Variants in MPPED2 observed in about 807,000 individuals in gnomAD.
The protein encoded by MPPED2 is metallophosphoesterase MPPED2.
A neutral mutation model predicts 33.0 loss-of-function variants in MPPED2; 5 were observed. The ratio of observed to expected loss-of-function variants is 0.15; its 90% CI spans 0.08 to 0.32. The LOEUF is 0.32. Among genes scored for constraint, MPPED2 ranks in the 10% least tolerant of loss-of-function variants. The pLI, the probability that MPPED2 is intolerant of heterozygous loss-of-function variation, is 1.00. For synonymous variants in MPPED2, 136 were observed against 141.9 expected, an observed-to-expected ratio of 0.96 and a Z score of 0.29; for missense variants, 275 against 372.1, an observed-to-expected ratio of 0.74 and a Z score of 2.15.
At chr11:30,540,447 G>T (rs1020199797) in intron 2 of MPPED2, among the ~76,000 whole-genome samples, 2 of 151,840 alleles carry the variant, frequency 1.3e-5, no homozygotes, top group Non-Finnish European at 1.5e-5. Context: ...ATTGTTATGA[G>T]AATAAAAAAT....
At chr11:30,384,125 A>G (rs1413102329), downstream of MPPED2, among the ~76,000 whole-genome samples, 2 of 150,698 alleles carry the variant, frequency 1.3e-5, no homozygotes, top group South Asian at 2.1e-4. Context: ...TTGAGTGCCT[A>G]TTACATGCTA....
chr11:30,540,362 A>C lies in MPPED2; in HGVS notation c.129-4187T>G, dbSNP rs373131145. On this transcript the variant is annotated intron_variant, in intron 2 of 6. Coordinates refer to ENST00000358117, the MANE Select transcript of MPPED2 (RefSeq NM_001584.3). ...CACAACTTATTAACATGCAACACCA[A>C]GCAAGGGGCTTAACCCTTGTGCCTT... is the stretch of plus-strand genomic sequence containing the variant. Among the ~76,000 whole-genome samples, 22 of 152,206 alleles carry C rather than the reference A, an allele frequency of 1.4e-4. 1 individual carries two copies. In the East Asian group the frequency reaches 1.7e-3, roughly 12 times the overall value.
chr11:30,480,977 G>T lies in MPPED2; in HGVS notation c.536+14319C>A, dbSNP rs139326746. ...GATACAGAGTTTTCCCTACATAACA[G>T]GTAGAATAATTTTAATCTGTGGCAA... is the stretch of plus-strand genomic sequence containing the variant. On this transcript the variant is annotated intron_variant, in intron 4 of 6. Coordinates refer to ENST00000358117, the MANE Select transcript of MPPED2 (RefSeq NM_001584.3). Among the ~76,000 whole-genome samples, 153 of 152,200 alleles carry T rather than the reference G, an allele frequency of 1.0e-3. No individual in the cohort carries two copies. In the East Asian group the frequency reaches 0.014, roughly 14 times the overall value.
At chr11:30,539,829 T>C (rs1175846696) in intron 2 of MPPED2, among the ~76,000 whole-genome samples, 1 of 152,124 alleles carries the variant, frequency 6.6e-6, no homozygotes, top group East Asian at 1.9e-4. Flanking sequence ...GGTCTTGTTA[T>C]GTTTCCTGGG....
chr11:30,560,701 A>G (rs559282589), intron 2 of MPPED2, among the ~76,000 whole-genome samples: 1 of 152,350 alleles, frequency 6.6e-6, no homozygotes, highest in Non-Finnish European at 1.5e-5. Flanking sequence ...ATTTTATGAT[A>G]CCAAATGAGA....
intron 2 of MPPED2, among the ~76,000 whole-genome samples, chr11:30,564,643 C>T (rs2134748198): frequency 6.6e-6 from 1 of 152,296 alleles, no homozygotes; most frequent in Admixed American, 6.5e-5. Flanking sequence ...TCCCTGTCTC[C>T]TCAGGCAATG....
At chr11:30,557,335 G>A (rs776632937) in intron 2 of MPPED2, among the ~76,000 whole-genome samples, 5 of 151,304 alleles carry the variant, frequency 3.3e-5, no homozygotes, top group Non-Finnish European at 5.9e-5. Context: ...AAAACGCTTT[G>A]TTGGAGAAAA....
In MPPED2 at chr11:30,432,466, C is replaced by T. The variant is rs932199757; in HGVS notation, c.537-14833G>A. Among the ~76,000 whole-genome samples the T allele has an allele frequency of 2.0e-5, 3 of 151,924 alleles. No individual in the cohort carries two copies. In the East Asian group the frequency reaches 5.8e-4, roughly 29 times the overall value. On this transcript the variant is annotated intron_variant, in intron 4 of 6. Coordinates refer to ENST00000358117, the MANE Select transcript of MPPED2 (RefSeq NM_001584.3). ...CTTCTTTATAGCTTTCAAAACAAAA[C>T]AGCCTAAGCTTGACTAAATTTGCTA...
At chr11:30,397,267 T>C (rs1947850169) in intron 6 of MPPED2, among the ~76,000 whole-genome samples, 1 of 152,166 alleles carries the variant, frequency 6.6e-6, no homozygotes, top group Non-Finnish European at 1.5e-5. Context: ...TATCAGCCAC[T>C]ATTTCTTGTA....
In MPPED2 at chr11:30,473,567, G is replaced by T. The variant is rs989184777; in HGVS notation, c.536+21729C>A. On this transcript the variant is annotated intron_variant, in intron 4 of 6. Transcript: ENST00000358117. ...ATGTTCCCAGCGATCTCCCTGTCTG[G>T]TATTCATGCCCATATGTAATTGTTC... 3.3e-5 allele frequency among the ~76,000 whole-genome samples: 5 copies of T among 151,976 alleles called. No homozygotes were observed. In the South Asian group the frequency reaches 6.2e-4, roughly 19 times the overall value.
chr11:30,479,892 T>C (rs1951403387), intron 4 of MPPED2, among the ~76,000 whole-genome samples: 1 of 152,088 alleles, frequency 6.6e-6, no homozygotes, highest in Non-Finnish European at 1.5e-5. Context: ...TCCAATCAAC[T>C]GAACACAATT....
intron 2 of MPPED2, among the ~76,000 whole-genome samples, chr11:30,559,062 G>A (rs574300548): frequency 3.3e-5 from 5 of 152,096 alleles, no homozygotes; most frequent in South Asian, 2.1e-4. Context: ...ACTCCAGAAG[G>A]TCATCAATTT....
chr11:30,444,780 C>T (rs1949731251), intron 4 of MPPED2, among the ~76,000 whole-genome samples: 1 of 152,122 alleles, frequency 6.6e-6, no homozygotes. Context: ...TGCAGTAAAA[C>T]ATTAAACAAT....
chr11:30,512,893 C>T (rs556838613), intron 3 of MPPED2, among the ~76,000 whole-genome samples: 9 of 151,914 alleles, frequency 5.9e-5, no homozygotes, highest in East Asian at 1.9e-4. Context: ...CGCAGCTACT[C>T]GGGAGGCTGA....
At chr11:30,529,607 G>T (rs1222199521) in intron 3 of MPPED2, among the ~76,000 whole-genome samples, 1 of 152,042 alleles carries the variant, frequency 6.6e-6, no homozygotes, top group Non-Finnish European at 1.5e-5. Flanking sequence ...TCTGTTCATA[G>T]GTAATTTTGT....
intron 2 of MPPED2, among the ~76,000 whole-genome samples, chr11:30,573,309 G>T (rs1360734696): frequency 6.6e-6 from 1 of 152,088 alleles, no homozygotes; most frequent in Non-Finnish European, 1.5e-5. Flanking sequence ...GTGGTATAAA[G>T]TATAGCACAT....
intron 6 of MPPED2, among the ~76,000 whole-genome samples, chr11:30,413,196 A>G (rs1375395179): frequency 1.3e-5 from 2 of 152,272 alleles, no homozygotes; most frequent in African/African-American, 4.8e-5. Flanking sequence ...CTAACCAGGA[A>G]GCCACTGAAT....
intron 4 of MPPED2, among the ~76,000 whole-genome samples, chr11:30,491,380 C>CT (rs1421390672): frequency 6.6e-6 from 1 of 152,158 alleles, no homozygotes; most frequent in Non-Finnish European, 1.5e-5. Context: ...AGGGACTTGC[C>CT]TAGTGTCACC....
At chr11:30,437,152 C>G (rs899844830) in intron 4 of MPPED2, among the ~76,000 whole-genome samples, 1 of 152,192 alleles carries the variant, frequency 6.6e-6, no homozygotes, top group African/African-American at 2.4e-5. Flanking sequence ...ACCTCAGCAT[C>G]GCTGGGCTCA....
Sources: allele counts gnomAD v4.1 joint callset (sites outside exome capture counted in the v4.1 genomes callset), GRCh38; gene constraint gnomAD v4.1.1; transcripts MANE v1.5; gene names NCBI Gene and HGNC (gene_info 2026-07-23, HGNC 2026-07-21).